TMEM50B: variants seen among roughly 807,000 people sequenced by gnomAD.
TMEM50B encodes the protein HCV p7-trans-regulated protein 3.
A neutral mutation model predicts 23.4 loss-of-function variants in TMEM50B; 14 were observed. The ratio of observed to expected loss-of-function variants is 0.60; its 90% confidence interval spans 0.39 to 0.93. TMEM50B has a LOEUF of 0.93. Among genes scored for constraint, TMEM50B ranks in the 40% least tolerant of loss-of-function variants. TMEM50B has a pLI of 0.00. For synonymous variants in TMEM50B, 64 were observed against 62.3 expected (o/e 1.03, Z -0.13); for missense variants, 159 against 193.0 (o/e 0.82, Z 1.04).
At chr21:33,445,809 C>A (rs1485631896), downstream of TMEM50B, among the ~76,000 whole-genome samples, 3 of 151,884 alleles carry the variant, frequency 2.0e-5, no homozygotes, top group Non-Finnish European at 4.4e-5. Flanking sequence ...AAAAAAAAAG[C>A]CTACTTGTGT....
chr21:33,457,836 G>A (rs2084183633), intron 5 of TMEM50B, among the ~76,000 whole-genome samples: 1 of 151,986 alleles, frequency 6.6e-6, no homozygotes, highest in Admixed American at 6.6e-5. Flanking sequence ...TCCCTACTCT[G>A]AGTTCCTGTG....
chr21:33,434,472 A>G (rs1276756316), intron 8 of TMEM50B, among the ~76,000 whole-genome samples: 2 of 152,194 alleles, frequency 1.3e-5, no homozygotes, highest in South Asian at 2.1e-4. Flanking sequence ...CAGTAAGCCA[A>G]TATCGCACCA....
intron 8 of TMEM50B, among the ~76,000 whole-genome samples, chr21:33,433,789 AT>A (rs35774330): frequency 4.0e-5 from 6 of 149,804 alleles, no homozygotes; most frequent in Non-Finnish European, 5.9e-5. Context: ...CCACAATTTA[AT>A]TTTTTTTTTT....
At chr21:33,434,945 G>A (rs2083929889) in intron 8 of TMEM50B, among the ~76,000 whole-genome samples, 1 of 152,144 alleles carries the variant, frequency 6.6e-6, no homozygotes, top group African/African-American at 2.4e-5. Context: ...CACTTTTCTA[G>A]GAAAGCATAA....
At chr21:33,462,026 A>C (rs906494623) in intron 4 of TMEM50B, among the ~76,000 whole-genome samples, 3 of 152,194 alleles carry the variant, frequency 2.0e-5, no homozygotes, top group African/African-American at 7.2e-5. Flanking sequence ...GGCTACAAGG[A>C]AGCTCTGAGT....
At chr21:33,469,213 G>A (rs2084290654) in intron 1 of TMEM50B, among the ~76,000 whole-genome samples, 1 of 152,154 alleles carries the variant, frequency 6.6e-6, no homozygotes, top group Non-Finnish European at 1.5e-5. Context: ...ACTTTGGGAG[G>A]CCAAAGTGGG....
intron 8 of TMEM50B, among the ~76,000 whole-genome samples, chr21:33,433,441 G>C (rs2083910210): frequency 6.6e-6 from 1 of 152,232 alleles, no homozygotes; most frequent in South Asian, 2.1e-4. Flanking sequence ...CCTTAGAAAG[G>C]AAGGGGATTG....
chr21:33,464,804 C>CAAAAAAAAAAAAAAAAAAAAAAAAAAAA (rs59855166), intron 4 of TMEM50B, among the ~76,000 whole-genome samples: 19 of 100,890 alleles, frequency 1.9e-4, no homozygotes, highest in East Asian at 2.7e-4. Context: ...AACTCCGTCT[C>CAAAAAAAAAAAAAAAAAAAAAAAAAAAA]AAAAAAAAAA....
chr21:33,451,870 T>A (rs928869392), intron 6 of TMEM50B, among the ~76,000 whole-genome samples: 17 of 152,042 alleles, frequency 1.1e-4, no homozygotes, highest in African/African-American at 3.9e-4. Flanking sequence ...CAAAAGGTAG[T>A]AGGCAGGGAG....
intron 6 of TMEM50B, among the ~76,000 whole-genome samples, chr21:33,453,068 A>T (rs2123420450): frequency 6.6e-6 from 1 of 152,320 alleles, no homozygotes; most frequent in South Asian, 2.1e-4. Context: ...AATTCTTCAA[A>T]GTGACAATAG....
intron 1 of TMEM50B, among the ~76,000 whole-genome samples, chr21:33,474,848 A>T (rs1468215502): frequency 3.0e-5 from 4 of 134,294 alleles, no homozygotes; most frequent in Non-Finnish European, 4.7e-5. Flanking sequence ...AATAAAATAA[A>T]AAAGCAAGAG....
At chr21:33,472,425 G>A (rs1436433266) in intron 1 of TMEM50B, among the ~76,000 whole-genome samples, 4 of 152,016 alleles carry the variant, frequency 2.6e-5, no homozygotes, top group Non-Finnish European at 4.4e-5. Flanking sequence ...CTTAATCGCA[G>A]ATTAGATACA....
chr21:33,471,539 C>T (rs942649716), intron 1 of TMEM50B, among the ~76,000 whole-genome samples: 7 of 152,004 alleles, frequency 4.6e-5, no homozygotes, highest in African/African-American at 1.7e-4. Flanking sequence ...ATAACTGAAC[C>T]AATGGAGAAT....
chr21:33,438,731 C>CT (rs200509447), intron 8 of TMEM50B, among the ~76,000 whole-genome samples: 85,485 of 147,740 alleles, frequency 0.58, 26,318 homozygotes, highest in East Asian at 0.82. Flanking sequence ...AAGAAAGTGG[C>CT]TTTTTTTTTT....
chr21:33,461,774 T>C (rs1186688045), intron 4 of TMEM50B, among the ~76,000 whole-genome samples: 1 of 151,198 alleles, frequency 6.6e-6, no homozygotes, highest in East Asian at 1.9e-4. Flanking sequence ...CACTACACTC[T>C]AGCCTGCGCA....
At chr21:33,446,655 C>CAAAAAAAAAAAAA (rs869154931), downstream of TMEM50B, among the ~76,000 whole-genome samples, 124 of 19,166 alleles carry the variant, frequency 6.5e-3, 23 homozygotes, top group Non-Finnish European at 7.8e-3. Context: ...CACACACACA[C>CAAAAAAAAAAAAA]AAAAAAAAAA....
intron 1 of TMEM50B, chr21:33,469,428 A>G (rs1327858371): frequency 6.6e-6 from 1 of 152,498 alleles, no homozygotes; most frequent in Admixed American, 6.5e-5. Context: ...AGCCTGGGCA[A>G]CAGAGCAAGA....
intron 8 of TMEM50B, chr21:33,437,030 G>A: frequency 6.4e-7 from 1 of 1,556,394 alleles, no homozygotes; most frequent in Non-Finnish European, 8.8e-7. Flanking sequence ...CTAGAGTTCT[G>A]TCTGGACTTT....
intron 5 of TMEM50B, among the ~76,000 whole-genome samples, chr21:33,458,441 G>A (rs2084189183): frequency 6.6e-6 from 1 of 152,146 alleles, no homozygotes; most frequent in Non-Finnish European, 1.5e-5. Context: ...TTGAACCTGG[G>A]AGGCAGAGGT....
Sources: gnomAD v4.1 joint callset for allele counts (sites outside exome capture counted in the v4.1 genomes callset) on GRCh38, gnomAD v4.1.1 for gene constraint, MANE v1.5 for transcripts, NCBI Gene and HGNC (gene_info 2026-07-23, HGNC 2026-07-21) for gene names.